RNF213: variants seen among roughly 807,000 people sequenced by gnomAD.
RNF213 encodes E3 ubiquitin-protein ligase RNF213.
Under a neutral mutation model 514.4 loss-of-function variants are expected in RNF213, and 341 were observed. The observed-to-expected ratio is 0.66, with a 90% confidence interval of 0.61 to 0.73. The LOEUF is 0.73. Among genes scored for constraint, RNF213 ranks in the 30% least tolerant of loss-of-function variants. RNF213 has a pLI of 0.00. For synonymous variants in RNF213, 2,655 were observed against 2,658.2 expected, an observed-to-expected ratio of 1.00 and a Z score of 0.04; for missense variants, 5,767 against 6,615.6, an observed-to-expected ratio of 0.87 and a Z score of 4.45.
At chr17:80,306,541 A>G in intron 12 of RNF213, 73 bp downstream of exon 12, 1 of 1,446,200 alleles carries the variant, frequency 6.9e-7, no homozygotes, top group Non-Finnish European at 9.6e-7. Flanking sequence ...TGGAAAGCTC[A>G]GGATTCTTAT....
At chr17:80,275,106 G>A (rs1426244676) in intron 3 of RNF213, among the ~76,000 whole-genome samples, 1 of 142,282 alleles carries the variant, frequency 7.0e-6, no homozygotes, top group East Asian at 2.1e-4. Context: ...GTGTGTGTTG[G>A]GTGTGTGCGT....
At position 80,386,235 on chromosome 17, in the gene RNF213, C is replaced by T; in HGVS notation, c.14540-15C>T. 1 of 1,603,714 alleles carries T rather than the reference C, an allele frequency of 6.2e-7. No individual in the cohort carries two copies. The highest frequency in any genetic ancestry group is 1.1e-5 in the South Asian group (1 of 91,060). On this transcript the variant is annotated splice_polypyrimidine_tract_variant and intron_variant, in intron 61 of 67. Coordinates refer to ENST00000582970, the MANE Select transcript of RNF213 (RefSeq NM_001256071.3). ...GGAACTCCTCTCTGCTTAAGCATAA[C>T]CCTGTCGTTTAAAGGTGAGATCAAC...
chr17:80,359,811 A>G (rs1469919245), intron 37 of RNF213, among the ~76,000 whole-genome samples: 1 of 152,216 alleles, frequency 6.6e-6, no homozygotes, highest in Non-Finnish European at 1.5e-5. Context: ...GATTTTGGGC[A>G]ACACACTTGA....
At chr17:80,322,840 C>A (rs148974884) in intron 17 of RNF213, among the ~76,000 whole-genome samples, 116 of 152,198 alleles carry the variant, frequency 7.6e-4, no homozygotes, top group African/African-American at 2.7e-3. Context: ...GTTGTTTTTT[C>A]ACATTCTTAT....
Position 80,389,878 on chromosome 17 carries a change from G to A in RNF213, c.15246G>A (p.Leu5082=), listed in dbSNP as rs2080392685. 1 of 1,614,174 alleles carries A rather than the reference G, an allele frequency of 6.2e-7. No individual in the cohort carries two copies. The highest frequency in any genetic ancestry group is 2.2e-5 in the East Asian group (1 of 44,886). The change falls in exon 66 of 68, where the codon CTG becomes CTA. Residue 5082 remains leucine (L), a synonymous_variant. Coordinates refer to ENST00000582970, the MANE Select transcript of RNF213 (RefSeq NM_001256071.3). ...LKHTIALWQF[L]SAHKSEQLLR... is the part of the protein sequence containing the mutation. ...ACACCATTGCCCTCTGGCAGTTCCT[G>A]TCTGCTCATAAGTCTGAACAGCTGC...
chr17:80,319,726 G>T, intron 17 of RNF213: 4 of 1,405,440 alleles, frequency 2.8e-6, no homozygotes, highest in East Asian at 2.7e-5. Context: ...ATGTGAAATG[G>T]AAAATTGTAT....
chr17:80,360,348 G>A lies in RNF213; in HGVS notation c.11200+142G>A, dbSNP rs540121105. On this transcript the variant is annotated intron_variant, in intron 38 of 67. Transcript: ENST00000582970. ...TTCACACTTTGTTTGTGCAGTAAGC[G>A]TCCAATTTACGTCACCGCGTCATTT... is the stretch of plus-strand genomic sequence containing the variant. 230 of 947,832 alleles carry A rather than the reference G, an allele frequency of 2.4e-4. 1 individual carries two copies. Among genetic ancestry groups the A allele is most frequent in the South Asian group, 1.7e-3 (121 of 71,040 alleles). 58.7% of individuals were successfully genotyped at this position (947,832 alleles called of 1,614,324 possible).
At position 80,317,198 on chromosome 17, in the gene RNF213, G is replaced by T. The variant is rs139654482; in HGVS notation, c.2822G>T (p.Arg941Leu). 217 of 1,612,144 alleles carry T rather than the reference G, an allele frequency of 1.3e-4. No homozygotes were observed. The highest frequency in any genetic ancestry group is 1.7e-4 in the Non-Finnish European group (204 of 1,179,726). ...GTGCGGGTTTTGCAGGTCTGGAGGC[G>T]GCTGGTGGAAATCCAATTCCCCGCG... ...TYVKEIEVWRRLVEIQFPAEH... is the reference protein window; with the variant it reads ...TYVKEIEVWRLLVEIQFPAEH... Residue 941 changes from arginine to leucine, a missense_variant, in exon 16 of 68, where the codon CGG (arginine) becomes CTG (leucine). By Grantham distance (102) the Arg-to-Leu change is moderately radical. This residue lies in a region of RNF213 where 592 missense variants were observed against 673.9 expected (regional missense o/e 0.88). Transcript: ENST00000582970. The surrounding 1 kb of genome is among the most constrained non-coding windows in gnomAD (Gnocchi z 4.1).
At chr17:80,357,726 C>G (rs1370129214) in intron 36 of RNF213, among the ~76,000 whole-genome samples, 1 of 152,194 alleles carries the variant, frequency 6.6e-6, no homozygotes, top group Admixed American at 6.5e-5. Context: ...AATCCCAATA[C>G]TTTGGGAGGC....
chr17:80,357,747 G>A (rs982137004), intron 36 of RNF213, among the ~76,000 whole-genome samples: 2 of 152,334 alleles, frequency 1.3e-5, no homozygotes, highest in South Asian at 4.1e-4. Context: ...CAAGGCGGGA[G>A]GATTACTTGT....
chr17:80,389,409 C>A (rs1411796206), intron 65 of RNF213, 42 bp downstream of exon 65: 3 of 1,565,324 alleles, frequency 1.9e-6, no homozygotes, highest in African/African-American at 2.7e-5. Context: ...AGCCCCTCAC[C>A]CTGGTCTCCT....
intron 8 of RNF213, among the ~76,000 whole-genome samples, chr17:80,292,283 C>T (rs578075706): frequency 6.9e-4 from 105 of 152,194 alleles, no homozygotes; most frequent in African/African-American, 2.4e-3. Context: ...AGGGTTTCAC[C>T]ATGTTGGACC....
intron 22 of RNF213, among the ~76,000 whole-genome samples, chr17:80,335,257 A>G (rs1023081419): frequency 1.3e-5 from 2 of 152,026 alleles, no homozygotes; most frequent in African/African-American, 4.8e-5. Flanking sequence ...TCACTTCTCC[A>G]TTGATGCTGT....
At chr17:80,268,729 CCTAT>C (rs1361320395) in intron 2 of RNF213, among the ~76,000 whole-genome samples, 4 of 152,062 alleles carry the variant, frequency 2.6e-5, no homozygotes, top group Admixed American at 1.3e-4. Context: ...ATCTATCTAT[CCTAT>C]CTATCCATCT....
At chr17:80,298,928 G>A (rs1348050720) in intron 11 of RNF213, among the ~76,000 whole-genome samples, 1 of 152,160 alleles carries the variant, frequency 6.6e-6, no homozygotes, top group Non-Finnish European at 1.5e-5. Flanking sequence ...GCAGTGAGCT[G>A]GGATCATGCT....
intron 11 of RNF213, among the ~76,000 whole-genome samples, chr17:80,302,776 C>T (rs949503035): frequency 6.6e-6 from 1 of 152,130 alleles, no homozygotes; most frequent in African/African-American, 2.4e-5. Flanking sequence ...GAGAGGATCG[C>T]TTGAGCCAGG....
intron 3 of RNF213, among the ~76,000 whole-genome samples, chr17:80,278,423 C>T (rs1394346906): frequency 6.6e-6 from 1 of 152,218 alleles, no homozygotes; most frequent in African/African-American, 2.4e-5. Flanking sequence ...CCAAGGCATT[C>T]GTGTGGAGGC....
chr17:80,281,268 C>T (rs1183436576), intron 3 of RNF213, among the ~76,000 whole-genome samples: 1 of 97,330 alleles, frequency 1.0e-5, no homozygotes, highest in African/African-American at 4.0e-5. Flanking sequence ...CCACTCACAC[C>T]ACTCACACTC....
At position 80,327,878 on chromosome 17, in the gene RNF213, G is replaced by A. The variant is rs768142611; in HGVS notation, c.3256G>A (p.Asp1086Asn). 6.5e-6 allele frequency: 10 copies of A among 1,537,252 alleles called. No homozygotes were observed. In the South Asian group the frequency reaches 7.1e-5, roughly 11 times the overall value. The change falls in exon 19 of 68, where the codon GAC becomes AAC. Residue 1086 changes from aspartate to asparagine, a missense_variant. By Grantham distance (23) the Asp-to-Asn change is conservative (BLOSUM62 1). Around this residue, in one of 13 missense-constraint regions of RNF213, gnomAD observed 516 missense variants for 566.5 expected, o/e 0.91. Transcript: ENST00000582970. ...EDAKRLIAVA[D>N]SVLTKVVGDL... The stretch of plus-strand genomic sequence containing the variant: ...TGCCAAGAGGCTGATAGCTGTTGCC[G>A]ACTCTGTGTTGACGAAAGTTGTTGG...
Sources: gnomAD v4.1 joint callset for allele counts (sites outside exome capture counted in the v4.1 genomes callset) on GRCh38, gnomAD v4.1.1 for gene constraint, gnomAD v4.1.1 regional missense constraint, Gnocchi (gnomAD v3.1) non-coding constraint, MANE v1.5 for transcripts, NCBI Gene and HGNC (gene_info 2026-07-23, HGNC 2026-07-21) for gene names.